The following CASK variants were observed in gnomAD, a reference collection of about 807,000 sequenced individuals.
CASK encodes peripheral plasma membrane protein CASK.
Under a neutral mutation model 82.9 loss-of-function variants are expected in CASK, and 4 were observed. That is an observed-to-expected ratio of 0.05 (90% CI 0.02 to 0.11). The LOEUF is 0.11. CASK is among the 10% of genes least tolerant of loss of function. The pLI is 1.00. For missense variants in CASK, 358 were observed against 720.9 expected (o/e 0.50, Z 5.76); for synonymous variants, 259 against 253.5 (o/e 1.02, Z -0.20).
chrX:41,798,576 T>C (rs996823912), intron 2 of CASK, among the ~76,000 whole-genome samples: 1 of 112,815 alleles, frequency 8.9e-6, no homozygotes, highest in Non-Finnish European at 1.9e-5. Context: ...GGCTCACGCC[T>C]GTAATCCCAG....
At chrX:41,690,934 A>G (rs779147051) in intron 5 of CASK, among the ~76,000 whole-genome samples, 4 of 111,169 alleles carry the variant, frequency 3.6e-5, no homozygotes, top group Non-Finnish European at 7.5e-5. Flanking sequence ...CAGCCTCCCA[A>G]AGTGCTGGGA....
intron 15 of CASK, among the ~76,000 whole-genome samples, chrX:41,574,773 G>C (rs1445476608): frequency 8.9e-6 from 1 of 111,758 alleles, no homozygotes; most frequent in African/African-American, 3.3e-5. Flanking sequence ...GACAGTTAAG[G>C]GTAGGGACTG....
At chrX:41,543,720 T>G (rs1320260426) in intron 21 of CASK, among the ~76,000 whole-genome samples, 1 of 111,746 alleles carries the variant, frequency 8.9e-6, no homozygotes, top group Non-Finnish European at 1.9e-5. Context: ...GGTCCCCAAG[T>G]GAGTCACATA....
intron 5 of CASK, among the ~76,000 whole-genome samples, chrX:41,721,322 A>G (rs1440554445): frequency 8.9e-6 from 1 of 112,040 alleles, no homozygotes; most frequent in East Asian, 2.8e-4. Context: ...ATTTCTTAGA[A>G]GAATGAAAAT....
At chrX:41,832,671 C>T (rs1290632280) in intron 2 of CASK, among the ~76,000 whole-genome samples, 1 of 112,570 alleles carries the variant, frequency 8.9e-6, no homozygotes, top group East Asian at 2.8e-4. Context: ...CTGTGAATCT[C>T]TGGTTGCACC....
At chrX:41,593,009 G>GTCTGA (rs1449164994) in intron 12 of CASK, among the ~76,000 whole-genome samples, 1 of 111,772 alleles carries the variant, frequency 8.9e-6, no homozygotes, top group Non-Finnish European at 1.9e-5. Context: ...CTTTGGTCTG[G>GTCTGA]TCTGATCCAG....
intron 14 of CASK, among the ~76,000 whole-genome samples, chrX:41,579,833 A>G (rs2065545328): frequency 8.9e-6 from 1 of 112,300 alleles, no homozygotes; most frequent in African/African-American, 3.2e-5. Context: ...GAGGCAAAAA[A>G]AAAAGGTAAC....
chrX:41,832,157 G>C (rs1163241577), intron 2 of CASK, among the ~76,000 whole-genome samples: 1 of 110,984 alleles, frequency 9.0e-6, no homozygotes, highest in Non-Finnish European at 1.9e-5. Flanking sequence ...AGGAAAGTGA[G>C]ACAGATGGTG....
At chrX:41,581,217 A>G (rs780200570) in intron 14 of CASK, among the ~76,000 whole-genome samples, 82 of 110,374 alleles carry the variant, frequency 7.4e-4, no homozygotes, top group Non-Finnish European at 1.1e-3. Context: ...CCGTCTCTAC[A>G]AAAAATAAAA....
chrX:41,861,152 C>T (rs1254425850), intron 1 of CASK, among the ~76,000 whole-genome samples: 2 of 111,858 alleles, frequency 1.8e-5, no homozygotes. Flanking sequence ...ATACACTCAT[C>T]ATTTACTACT....
rs1259311921 is a variant in CASK at position 41,694,024 on chromosome X, C to T, written c.430-22494G>A. Among the ~76,000 whole-genome samples, 3 of 111,932 alleles carry T rather than the reference C, an allele frequency of 2.7e-5. No individual in the cohort carries two copies. In the Admixed American group the frequency reaches 2.9e-4, roughly 11 times the overall value. Reference sequence around the variant, plus strand: ...AATTCAAATCCACTTTGCATGGTAGCAGTCAGGGTTTGAATGTCCACTCCT... The same window carrying T: ...AATTCAAATCCACTTTGCATGGTAGTAGTCAGGGTTTGAATGTCCACTCCT... On this transcript the variant is annotated intron_variant, in intron 5 of 26. Coordinates refer to ENST00000378163, the MANE Select transcript of CASK (RefSeq NM_001367721.1).
At chrX:41,535,753 C>T (rs1275750872) in intron 22 of CASK, among the ~76,000 whole-genome samples, 1 of 111,980 alleles carries the variant, frequency 8.9e-6, no homozygotes, top group Non-Finnish European at 1.9e-5. Context: ...GTGGAGTTCT[C>T]TAATCACTAC....
intron 2 of CASK, among the ~76,000 whole-genome samples, chrX:41,798,290 G>T (rs772463032): frequency 8.9e-6 from 1 of 111,947 alleles, no homozygotes. Context: ...GGCACCCAGC[G>T]TTTCACCAAG....
intron 16 of CASK, chrX:41,562,599 G>A (rs1391519775): frequency 8.9e-6 from 1 of 111,765 alleles, no homozygotes; most frequent in African/African-American, 3.3e-5. Flanking sequence ...ATCCTGTTAA[G>A]TGTGAAAAGT....
At chrX:41,734,206 T>C (rs190051992) in intron 5 of CASK, among the ~76,000 whole-genome samples, 1 of 111,938 alleles carries the variant, frequency 8.9e-6, no homozygotes, top group African/African-American at 3.3e-5. Flanking sequence ...GGGTAGCAAT[T>C]TGCATTCTCA....
At chrX:41,854,215 CGG>C (rs1418217702) in intron 1 of CASK, among the ~76,000 whole-genome samples, 18 of 85,644 alleles carry the variant, frequency 2.1e-4, no homozygotes, top group Admixed American at 5.4e-4. Context: ...CGCGCGCGCG[CGG>C]GCGCGCGCAC....
intron 5 of CASK, among the ~76,000 whole-genome samples, chrX:41,713,477 T>C (rs967110609): frequency 1.2e-4 from 13 of 112,332 alleles, no homozygotes; most frequent in African/African-American, 4.2e-4. Flanking sequence ...CAGCAGCTCA[T>C]TTGCTTCCTA....
chrX:41,600,678 A>G (rs2065881030), intron 12 of CASK, among the ~76,000 whole-genome samples: 1 of 112,454 alleles, frequency 8.9e-6, no homozygotes, highest in South Asian at 3.7e-4. Context: ...CGTAGTCATT[A>G]ATACTTTCAG....
intron 2 of CASK, among the ~76,000 whole-genome samples, chrX:41,815,687 A>G (rs1569457937): frequency 9.0e-6 from 1 of 111,276 alleles, no homozygotes; most frequent in East Asian, 2.8e-4. Context: ...AGGAGAGAAG[A>G]GACAAATGGA....
Sources: gnomAD v4.1 joint callset for allele counts (sites outside exome capture counted in the v4.1 genomes callset) on GRCh38, gnomAD v4.1.1 for gene constraint, MANE v1.5 for transcripts, NCBI Gene and HGNC (gene_info 2026-07-23, HGNC 2026-07-21) for gene names.